M1AP: variants seen among roughly 807,000 people sequenced by gnomAD.
The protein encoded by M1AP is meiosis 1 arrest protein.
M1AP carries 39 observed loss-of-function variants against 51.2 expected under a neutral mutation model. That is an observed-to-expected ratio of 0.76 (90% CI 0.59 to 1.00). M1AP has a LOEUF of 1.00. M1AP is among the 50% of genes least tolerant of loss of function. The pLI is 0.00. For synonymous variants in M1AP, 251 were observed against 249.2 expected (o/e 1.01, Z -0.07); for missense variants, 545 against 641.2 (o/e 0.85, Z 1.62).
chr2:74,585,928 A>G (rs1332201148), intron 4 of M1AP, among the ~76,000 whole-genome samples: 1 of 152,182 alleles, frequency 6.6e-6, no homozygotes, highest in Non-Finnish European at 1.5e-5. Flanking sequence ...ACATGGTTTC[A>G]TCAGATCCCT....
chr2:74,631,017 T>C (rs1347388494), intron 2 of M1AP, among the ~76,000 whole-genome samples: 5 of 149,876 alleles, frequency 3.3e-5, no homozygotes, highest in African/African-American at 1.0e-4. Flanking sequence ...CGTAATTCTC[T>C]TTGTTTGGTT....
At chr2:74,628,276 G>C (rs1250019749) in intron 2 of M1AP, 2 of 285,788 alleles carry the variant, frequency 7.0e-6, no homozygotes, top group East Asian at 1.8e-4. Context: ...TCAAGAATCT[G>C]TTCAGTTGTT....
At chr2:74,560,055 G>A in intron 9 of M1AP, 96 bp downstream of exon 9, 1 of 1,334,000 alleles carries the variant, frequency 7.5e-7, no homozygotes, top group Non-Finnish European at 1.0e-6. Flanking sequence ...TTGGATGGGG[G>A]CGGTGTTGGG....
intron 3 of M1AP, among the ~76,000 whole-genome samples, chr2:74,613,831 C>T (rs1287087113): frequency 6.6e-6 from 1 of 152,204 alleles, no homozygotes; most frequent in African/African-American, 2.4e-5. Flanking sequence ...AGGTAAAACT[C>T]ACAAAAGTGT....
At chr2:74,585,762 C>T (rs1679671188) in intron 4 of M1AP, among the ~76,000 whole-genome samples, 1 of 152,200 alleles carries the variant, frequency 6.6e-6, no homozygotes, top group Admixed American at 6.5e-5. Context: ...TAAACCAGAA[C>T]ATTTTAGAGG....
At chr2:74,621,846 G>A (rs1035131087) in intron 2 of M1AP, among the ~76,000 whole-genome samples, 2 of 151,366 alleles carry the variant, frequency 1.3e-5, no homozygotes, top group East Asian at 3.9e-4. Flanking sequence ...GGTGGCTCAA[G>A]CCTGTAATCC....
At chr2:74,562,796 C>T (rs1678116431) in intron 7 of M1AP, among the ~76,000 whole-genome samples, 1 of 151,978 alleles carries the variant, frequency 6.6e-6, no homozygotes, top group Non-Finnish European at 1.5e-5. Flanking sequence ...CGTGACTGTA[C>T]CCGTAGCTAC....
At position 74,628,612 on chromosome 2, in the gene M1AP, A is replaced by G. The variant is rs1226287045; in HGVS notation, c.240+11424T>C. 6 of 642,574 alleles carry G rather than the reference A, an allele frequency of 9.3e-6. No individual in the cohort carries two copies. In the East Asian group the frequency reaches 1.4e-4, roughly 15 times the overall value. 39.8% of individuals were successfully genotyped at this position (642,574 alleles called of 1,614,324 possible). On this transcript the variant is annotated intron_variant, in intron 2 of 10. Coordinates refer to ENST00000421985, the MANE Select transcript of M1AP (RefSeq NM_001321739.2). ...ACAGTTTTATTATCTTGAGAGGAAG[A>G]CTTTCTAGATTCAAACACCCAATGG...
In M1AP at chr2:74,645,263, A is replaced by G. The variant is rs576542508; in HGVS notation, c.-53+3002T>C. ...ACCAGAAGGAAGAAACTCCAGACAC[A>G]TCCGAACATCAGAAGGAACAAACTC... On this transcript the variant is annotated intron_variant, in intron 1 of 10. Transcript: ENST00000421985. Among the ~76,000 whole-genome samples the G allele has an allele frequency of 6.6e-5, 10 of 152,294 alleles. No homozygotes were observed. The South Asian group carries it at 1.7e-3, about 25-fold the overall frequency.
chr2:74,589,891 C>A (rs1056022485), intron 4 of M1AP, among the ~76,000 whole-genome samples: 2 of 152,234 alleles, frequency 1.3e-5, no homozygotes, highest in Non-Finnish European at 2.9e-5. Flanking sequence ...CTTTTGGCTT[C>A]CCTGGGCCAC....
chr2:74,576,367 A>G, intron 6 of M1AP, 89 bp downstream of exon 6: 2 of 1,360,814 alleles, frequency 1.5e-6, no homozygotes, highest in Non-Finnish European at 2.1e-6. Flanking sequence ...CCTGACACTT[A>G]AGAGATACCA....
Position 74,558,251 on chromosome 2 carries a change from T to C in M1AP, c.*465A>G. 6.1e-6 allele frequency: 1 copy of C among 163,108 alleles called. No homozygotes were observed. The highest frequency in any genetic ancestry group is 1.3e-5 in the Non-Finnish European group (1 of 75,700). 10.1% of individuals were successfully genotyped at this position (163,108 alleles called of 1,614,324 possible). On this transcript the variant is annotated 3_prime_UTR_variant, in exon 11 of 11. Transcript: ENST00000421985. The stretch of plus-strand genomic sequence containing the variant: ...CTTTGGAGGCTGAAGCCTGGTGGTG[T>C]AGTGGGAAGGGCACAGGCTCTGAAA...
intron 4 of M1AP, among the ~76,000 whole-genome samples, chr2:74,603,320 T>G (rs1000039060): frequency 1.3e-5 from 2 of 152,216 alleles, no homozygotes; most frequent in Non-Finnish European, 2.9e-5. Flanking sequence ...AATGCCAAGG[T>G]GCTTACAGTT....
chr2:74,641,950 A>ATTCTCAGG (rs1683322340), intron 1 of M1AP, among the ~76,000 whole-genome samples: 4 of 151,414 alleles, frequency 2.6e-5, no homozygotes, highest in Non-Finnish European at 5.9e-5. Flanking sequence ...GGTTCAAGCG[A>ATTCTCAGG]TTCTCCTGCC....
intron 5 of M1AP, among the ~76,000 whole-genome samples, chr2:74,578,021 G>C (rs1014157212): frequency 1.3e-5 from 2 of 152,158 alleles, no homozygotes; most frequent in Admixed American, 1.3e-4. Context: ...TAGATCCCTT[G>C]CATGTGTAGT....
intron 2 of M1AP, among the ~76,000 whole-genome samples, chr2:74,627,948 A>T (rs1682493826): frequency 1.3e-5 from 2 of 152,200 alleles, no homozygotes; most frequent in Non-Finnish European, 2.9e-5. Flanking sequence ...GAGCTTTGAG[A>T]TAAACTAAGA....
rs1197190335 is a variant in M1AP, at chr2:74,581,733, A to G, written c.710T>C (p.Ile237Thr). 1 of 1,614,062 alleles carries G rather than the reference A, an allele frequency of 6.2e-7. No homozygotes were observed. Among genetic ancestry groups the G allele is most frequent in the Admixed American group, 1.7e-5 (1 of 59,998 alleles). Residue 237 changes from isoleucine to threonine, a missense_variant, in exon 5 of 11, where the codon ATC becomes ACC. Ile to Thr is a moderately conservative substitution (Grantham distance 89). Transcript: ENST00000421985. ...LHNSGTDQEQ[I>T]HLLLSSQCFS... ...ACACTGTGAAGAAAGAAGAAGATGGATTTGTTCTTGGTCTGTTCCACTGTT... is the reference window on the plus strand; with the variant it reads ...ACACTGTGAAGAAAGAAGAAGATGGGTTTGTTCTTGGTCTGTTCCACTGTT...
chr2:74,638,611 T>C (rs955795821), intron 2 of M1AP, among the ~76,000 whole-genome samples: 1 of 152,218 alleles, frequency 6.6e-6, no homozygotes, highest in Non-Finnish European at 1.5e-5. Context: ...AGAAGCCCGC[T>C]GCCACAAATT....
rs141012627 is a variant in M1AP, at chr2:74,560,311, G to T, written c.1282-20C>A. On this transcript the variant is annotated intron_variant, in intron 8 of 10. Transcript: ENST00000421985. ...CATGCTCTGAGGAAAAGAGAGGAGG[G>T]GCCTCACTAGGGAACTTAAGATCAC... The T allele has an allele frequency of 1.3e-6, 2 of 1,565,910 alleles. No homozygotes were observed. The highest frequency in any genetic ancestry group is 1.4e-5 in the African/African-American group (1 of 73,248).
Sources: gnomAD v4.1 joint callset for allele counts (sites outside exome capture counted in the v4.1 genomes callset) on GRCh38, gnomAD v4.1.1 for gene constraint, MANE v1.5 for transcripts, NCBI Gene and HGNC (gene_info 2026-07-23, HGNC 2026-07-21) for gene names.